Variants in LRMDA observed in about 807,000 individuals in gnomAD.
LRMDA encodes the protein leucine-rich melanocyte differentiation-associated protein.
Under a neutral mutation model 29.8 loss-of-function variants are expected in LRMDA, and 18 were observed. The observed-to-expected ratio is 0.60, with a 90% CI of 0.42 to 0.90. The LOEUF (loss-of-function observed/expected upper bound fraction) is 0.90, where lower values mean the gene tolerates loss of function less well. Among genes scored for constraint, LRMDA ranks in the 40% least tolerant of loss-of-function variants. LRMDA has a pLI of 0.00. For synonymous variants in LRMDA, 125 were observed against 109.4 expected (o/e 1.14, Z -0.89); for missense variants, 273 against 273.9 (o/e 1.00, Z 0.02).
chr10:75,940,800 G>A (rs1009671234), intron 2 of LRMDA, among the ~76,000 whole-genome samples: 1 of 152,082 alleles, frequency 6.6e-6, no homozygotes, highest in Non-Finnish European at 1.5e-5. Context: ...GCGTGTGTGT[G>A]TGTTGAGGGG....
chr10:76,001,935 T>C (rs1847569922), intron 2 of LRMDA, among the ~76,000 whole-genome samples: 1 of 152,106 alleles, frequency 6.6e-6, no homozygotes, highest in Non-Finnish European at 1.5e-5. Flanking sequence ...CTGAGTGTCA[T>C]GGAAGTGACC....
intron 6 of LRMDA, among the ~76,000 whole-genome samples, chr10:76,424,468 G>T (rs140953399): frequency 0.018 from 2,686 of 152,242 alleles, 80 homozygotes; most frequent in South Asian, 0.13. Flanking sequence ...GAACCTGGGA[G>T]GCTGAGCTTG....
intron 5 of LRMDA, among the ~76,000 whole-genome samples, chr10:76,261,064 CTTTTTTTTT>C (rs58554883): frequency 4.2e-5 from 5 of 117,734 alleles, no homozygotes; most frequent in Non-Finnish European, 8.4e-5. Flanking sequence ...CTTTTCTTTT[CTTTTTTTTT>C]TTTTTTTTTG....
At chr10:75,770,381 ACTG>A (rs1843223736) in intron 2 of LRMDA, among the ~76,000 whole-genome samples, 1 of 152,252 alleles carries the variant, frequency 6.6e-6, no homozygotes, top group African/African-American at 2.4e-5. Flanking sequence ...ACTTAATACT[ACTG>A]AACTGCATAC....
intron 2 of LRMDA, among the ~76,000 whole-genome samples, chr10:75,711,973 A>G (rs1564546914): frequency 6.6e-6 from 1 of 152,108 alleles, no homozygotes; most frequent in African/African-American, 2.4e-5. Context: ...ACATATATAT[A>G]TAACTTGAAA....
chr10:76,370,826 T>C (rs1841445627), intron 6 of LRMDA, among the ~76,000 whole-genome samples: 1 of 152,012 alleles, frequency 6.6e-6, no homozygotes, highest in Non-Finnish European at 1.5e-5. Flanking sequence ...ATTTGAAAAA[T>C]TGTAGGTCAA....
At chr10:75,608,076 T>C (rs1044543535) in intron 2 of LRMDA, among the ~76,000 whole-genome samples, 3 of 136,268 alleles carry the variant, frequency 2.2e-5, no homozygotes, top group Non-Finnish European at 3.2e-5. Context: ...TAAGTGTCCA[T>C]TGATGGATGA....
intron 2 of LRMDA, among the ~76,000 whole-genome samples, chr10:75,805,689 CACTATT>C (rs977348957): frequency 3.9e-5 from 6 of 152,120 alleles, no homozygotes; most frequent in African/African-American, 1.2e-4. Context: ...CTTGTGTGGG[CACTATT>C]ACTATCAATT....
At chr10:75,899,085 G>A (rs1222955032) in intron 2 of LRMDA, among the ~76,000 whole-genome samples, 1 of 152,184 alleles carries the variant, frequency 6.6e-6, no homozygotes, top group African/African-American at 2.4e-5. Flanking sequence ...CATTAGTCAG[G>A]TTCATATATA....
intron 2 of LRMDA, among the ~76,000 whole-genome samples, chr10:75,913,902 G>C (rs1209128279): frequency 6.6e-6 from 1 of 152,178 alleles, no homozygotes; most frequent in African/African-American, 2.4e-5. Flanking sequence ...AATCCCTTGT[G>C]AGCTTATCCT....
chr10:75,459,762 TCTAGGGGCTGCATCTGATGAGGG>T (rs1378523308), intron 2 of LRMDA, among the ~76,000 whole-genome samples: 1 of 152,120 alleles, frequency 6.6e-6, no homozygotes, highest in Non-Finnish European at 1.5e-5. Context: ...AAGTCCAAGA[TCTAGGGGCTGCATCTGATGAGGG>T]CCTTCTTGCT....
chr10:75,454,926 G>A (rs983061351), intron 2 of LRMDA, among the ~76,000 whole-genome samples: 2 of 152,206 alleles, frequency 1.3e-5, no homozygotes, highest in African/African-American at 2.4e-5. Context: ...AACTCGTGTC[G>A]TGAAGCACAG....
At chr10:76,370,827 T>C (rs1841445659) in intron 6 of LRMDA, among the ~76,000 whole-genome samples, 1 of 152,044 alleles carries the variant, frequency 6.6e-6, no homozygotes, top group Non-Finnish European at 1.5e-5. Flanking sequence ...TTTGAAAAAT[T>C]GTAGGTCAAC....
At chr10:75,790,901 G>C (rs938003987) in intron 2 of LRMDA, among the ~76,000 whole-genome samples, 11 of 152,208 alleles carry the variant, frequency 7.2e-5, no homozygotes, top group Admixed American at 2.0e-4. Context: ...TCGTTGTAAT[G>C]GTTCTTGCAA....
intron 2 of LRMDA, among the ~76,000 whole-genome samples, chr10:75,671,068 G>A (rs993280583): frequency 6.6e-5 from 10 of 152,124 alleles, no homozygotes; most frequent in African/African-American, 2.2e-4. Flanking sequence ...GATTGTGCCT[G>A]GGGGTGATGA....
intron 6 of LRMDA, among the ~76,000 whole-genome samples, chr10:76,479,940 G>A (rs1046351882): frequency 5.9e-5 from 9 of 151,936 alleles, no homozygotes; most frequent in African/African-American, 1.7e-4. Flanking sequence ...TGCCAACTCA[G>A]TAGGCTCTGT....
At chr10:75,811,357 A>G (rs1271611404) in intron 2 of LRMDA, among the ~76,000 whole-genome samples, 1 of 152,100 alleles carries the variant, frequency 6.6e-6, no homozygotes, top group Admixed American at 6.5e-5. Flanking sequence ...AGATGAATCC[A>G]TTAATGATAA....
intron 5 of LRMDA, among the ~76,000 whole-genome samples, chr10:76,298,289 G>C (rs1361543641): frequency 6.6e-6 from 1 of 152,222 alleles, no homozygotes; most frequent in Admixed American, 6.5e-5. Flanking sequence ...GAAGGAGCTG[G>C]TACCAGCTGC....
rs192796359 is a variant in LRMDA at position 76,058,273 on chromosome 10, T to A, written c.399-393T>A. Among the ~76,000 whole-genome samples the A allele has an allele frequency of 2.5e-3, 377 of 152,314 alleles. 3 individuals are homozygous for A. The highest frequency in any genetic ancestry group is 8.8e-3 in the African/African-American group (365 of 41,556). Reference sequence around the variant, plus strand: ...TACAGATGACCCATAGGAATGGCAGTGACGTAAAGGGTACAATCAATTTAT... The same window carrying A: ...TACAGATGACCCATAGGAATGGCAGAGACGTAAAGGGTACAATCAATTTAT... On this transcript the variant is annotated intron_variant, in intron 4 of 6. Coordinates refer to ENST00000611255, the MANE Select transcript of LRMDA (RefSeq NM_001305581.2).
Sources: allele counts gnomAD v4.1 joint callset (sites outside exome capture counted in the v4.1 genomes callset), GRCh38; gene constraint gnomAD v4.1.1; transcripts MANE v1.5; gene names NCBI Gene and HGNC (gene_info 2026-07-23, HGNC 2026-07-21).